TULP4: variants seen among roughly 807,000 people sequenced by gnomAD.
TULP4 encodes the protein TUB like protein 4.
A neutral mutation model predicts 129.0 loss-of-function variants in TULP4; 16 were observed. That is an observed-to-expected ratio of 0.12 (90% CI 0.08 to 0.19). The LOEUF (loss-of-function observed/expected upper bound fraction) is 0.19, where lower values mean the gene tolerates loss of function less well. TULP4 is among the 10% of genes least tolerant of loss of function. TULP4 has a pLI of 1.00. For synonymous variants in TULP4, 998 were observed against 854.0 expected (o/e 1.17, Z -2.94); for missense variants, 1,842 against 2,059.1 (o/e 0.89, Z 2.04).
At chr6:158,320,001 G>A (rs948118801) in intron 1 of TULP4, among the ~76,000 whole-genome samples, 17 of 152,162 alleles carry the variant, frequency 1.1e-4, no homozygotes, top group Non-Finnish European at 2.2e-4. Context: ...AAAAATGAAT[G>A]ATCAGCCAAA....
intron 3 of TULP4, among the ~76,000 whole-genome samples, chr6:158,443,990 TGGGC>T (rs1562568327): frequency 6.6e-6 from 1 of 151,628 alleles, no homozygotes; most frequent in Admixed American, 6.6e-5. Flanking sequence ...GGGGCCAGGG[TGGGC>T]GGATCACAAG....
At chr6:158,323,478 A>G (rs1312162484) in intron 1 of TULP4, among the ~76,000 whole-genome samples, 5 of 152,032 alleles carry the variant, frequency 3.3e-5, no homozygotes, top group Non-Finnish European at 7.4e-5. Flanking sequence ...ATTTTATGCA[A>G]CTCTTCTGGT....
At chr6:158,469,195 CAG>C (rs1285656444) in intron 6 of TULP4, among the ~76,000 whole-genome samples, 2 of 151,718 alleles carry the variant, frequency 1.3e-5, no homozygotes, top group Non-Finnish European at 2.9e-5. Flanking sequence ...AAGAGAGACA[CAG>C]AGTTCAGAGA....
chr6:158,430,762 T>A (rs905700655), intron 3 of TULP4, among the ~76,000 whole-genome samples: 2 of 152,030 alleles, frequency 1.3e-5, no homozygotes, highest in Non-Finnish European at 2.9e-5. Flanking sequence ...GAAATGAAAA[T>A]TTTTAAAGTA....
chr6:158,481,775 C>G (rs1779951717), intron 8 of TULP4, among the ~76,000 whole-genome samples: 1 of 152,196 alleles, frequency 6.6e-6, no homozygotes. Context: ...TTTTGCTCAT[C>G]CATAAAGATG....
At chr6:158,487,895 G>A (rs1186825891) in intron 8 of TULP4, among the ~76,000 whole-genome samples, 1 of 152,154 alleles carries the variant, frequency 6.6e-6, no homozygotes, top group East Asian at 1.9e-4. Context: ...CTAGTCTCTG[G>A]GGTTAAAGCA....
intron 2 of TULP4, among the ~76,000 whole-genome samples, chr6:158,423,120 AG>A (rs1258275936): frequency 3.4e-4 from 20 of 59,156 alleles, no homozygotes; most frequent in African/African-American, 9.9e-4. Flanking sequence ...TCCACAAAAA[AG>A]AGGGGGGGGG....
rs779882852 is a variant in TULP4 at position 158,314,140 on chromosome 6, G to A, written c.124G>A (p.Glu42Lys). The A allele has an allele frequency of 5.6e-6, 9 of 1,614,224 alleles. No homozygotes were observed. The highest frequency in any genetic ancestry group is 4.5e-5 in the East Asian group (2 of 44,886). The change falls in exon 1 of 14, where the codon GAG (glutamate) becomes AAG (lysine). Residue 42 changes from glutamate to lysine, a missense_variant. By Grantham distance (56) the Glu-to-Lys change is moderately conservative. This residue lies in a region of TULP4 where 151 missense variants were observed against 268.7 expected (regional missense o/e 0.56). Transcript: ENST00000367097. The stretch of plus-strand genomic sequence containing the variant: ...GCCTGTGTGCAGGAGACGCTACTAT[G>A]AGGAAGGCTGGCTGGCCACGGGCAA... ...EKPVCRRRYY[E>K]EGWLATGNGR...
At chr6:158,258,835 C>T (rs984336613) in intron 1 of TULP4, among the ~76,000 whole-genome samples, 7 of 151,932 alleles carry the variant, frequency 4.6e-5, no homozygotes, top group African/African-American at 1.2e-4. Flanking sequence ...CTTATTTTCA[C>T]GTCAGCATTA....
chr6:158,396,109 T>C (rs1197558210), intron 1 of TULP4, among the ~76,000 whole-genome samples: 1 of 152,230 alleles, frequency 6.6e-6, no homozygotes, highest in African/African-American at 2.4e-5. Flanking sequence ...TTTTGAATAA[T>C]CTTCGTAGTT....
chr6:158,290,829 A>G (rs1778925572), intron 1 of TULP4, among the ~76,000 whole-genome samples: 1 of 152,048 alleles, frequency 6.6e-6, no homozygotes, highest in Admixed American at 6.6e-5. Flanking sequence ...CACATTTGTC[A>G]TAGACACAGT....
intron 7 of TULP4, 99 bp from the exon 8 acceptor site, chr6:158,480,956 G>C (rs558956092): frequency 1.5e-5 from 16 of 1,058,008 alleles, no homozygotes; most frequent in Non-Finnish European, 2.2e-5. Context: ...GTCTGGAACA[G>C]TAGCGTTTTT....
intron 1 of TULP4, among the ~76,000 whole-genome samples, chr6:158,412,720 T>C (rs1413582754): frequency 6.6e-6 from 1 of 152,166 alleles, no homozygotes; most frequent in East Asian, 1.9e-4. Flanking sequence ...AAATCCATAG[T>C]AAATGTTGTT....
At chr6:158,304,774 C>G (rs1348374068) in intron 1 of TULP4, among the ~76,000 whole-genome samples, 2 of 151,874 alleles carry the variant, frequency 1.3e-5, no homozygotes, top group Non-Finnish European at 2.9e-5. Context: ...TCAAGCAATC[C>G]TCCCACCTCA....
chr6:158,502,373 C>T lies in TULP4; in HGVS notation c.2710C>T (p.Arg904Cys), dbSNP rs899784581. The change falls in exon 13 of 14, where the codon CGC (arginine) becomes TGC (cysteine). Residue 904 changes from arginine (R) to cysteine (C), a missense_variant. Arg to Cys is a radical substitution (Grantham distance 180). Around this residue, in one of 5 missense-constraint regions of TULP4, gnomAD observed 1,089 missense variants for 987.1 expected, o/e 1.10. Transcript: ENST00000367097. ...SGNVEEVCRP[R>C]TRMLCSQNTY... ...CAACGTGGAGGAGGTGTGCCGGCCC[C>T]GCACCCGGATGCTGTGCTCCCAGAA... 11 of 1,613,682 alleles carry T rather than the reference C, an allele frequency of 6.8e-6. No individual in the cohort carries two copies. Among genetic ancestry groups the T allele is most frequent in the African/African-American group, 1.3e-5 (1 of 74,866 alleles).
rs999899269 is a variant in TULP4, at chr6:158,509,346, G to A, written c.*2652G>A. ...CACTCAAATAGTATTCTCTTCTTTT[G>A]AAAATTTTATTTTTATCTGAAAATA... On this transcript the variant is annotated 3_prime_UTR_variant, in exon 14 of 14. Coordinates refer to ENST00000367097, the MANE Select transcript of TULP4 (RefSeq NM_020245.5). 1 of 150,858 alleles carries A rather than the reference G, an allele frequency of 6.6e-6. No homozygotes were observed. The highest frequency in any genetic ancestry group is 2.4e-5 in the African/African-American group (1 of 40,980). 9.3% of individuals were successfully genotyped at this position (150,858 alleles called of 1,614,324 possible).
At chr6:158,450,750 T>C (rs983108247) in intron 4 of TULP4, among the ~76,000 whole-genome samples, 4 of 91,514 alleles carry the variant, frequency 4.4e-5, no homozygotes, top group African/African-American at 2.4e-4. Flanking sequence ...CATTTTATTA[T>C]TGAAAAAAAA....
chr6:158,361,889 C>T (rs995074784), intron 1 of TULP4, among the ~76,000 whole-genome samples: 5 of 152,248 alleles, frequency 3.3e-5, no homozygotes, highest in African/African-American at 4.8e-5. Flanking sequence ...TATTTGTAGA[C>T]GAGTCTACCT....
At chr6:158,237,857 C>T (rs574623881) in intron 1 of TULP4, 3 of 751,662 alleles carry the variant, frequency 4.0e-6, no homozygotes, top group African/African-American at 1.7e-5. Context: ...TTCTCTGGAT[C>T]TGCAAGTGAG....
Sources: gnomAD v4.1 joint callset for allele counts (sites outside exome capture counted in the v4.1 genomes callset) on GRCh38, gnomAD v4.1.1 for gene constraint, gnomAD v4.1.1 regional missense constraint, MANE v1.5 for transcripts, NCBI Gene and HGNC (gene_info 2026-07-23, HGNC 2026-07-21) for gene names.